HNF4G: variants seen among roughly 807,000 people sequenced by gnomAD.
HNF4G encodes hepatocyte nuclear factor 4 gamma, also known as hepatocyte nuclear factor 4-gamma.
Under a neutral mutation model 50.9 loss-of-function variants are expected in HNF4G, and 21 were observed. The observed-to-expected ratio is 0.41, with a 90% confidence interval of 0.29 to 0.59. The LOEUF (loss-of-function observed/expected upper bound fraction) is 0.59. Among genes scored for constraint, HNF4G ranks in the 20% least tolerant of loss-of-function variants. HNF4G has a pLI of 0.26. For synonymous variants in HNF4G, 198 were observed against 185.6 expected, an observed-to-expected ratio of 1.07 and a Z score of -0.54; for missense variants, 527 against 559.4, an observed-to-expected ratio of 0.94 and a Z score of 0.58.
chr8:75,549,772 A>C (rs986925331), intron 3 of HNF4G, among the ~76,000 whole-genome samples: 14 of 150,342 alleles, frequency 9.3e-5, no homozygotes, highest in African/African-American at 3.4e-4. Context: ...CCCCTACCCC[A>C]CAACAGTCCC....
chr8:75,549,848 G>C (rs1357847480), intron 3 of HNF4G, among the ~76,000 whole-genome samples: 2 of 151,838 alleles, frequency 1.3e-5, no homozygotes, highest in Admixed American at 1.3e-4. Flanking sequence ...CTATGAGTGA[G>C]AACATGTGAT....
At chr8:75,514,182 A>G (rs1805830009) in intron 2 of HNF4G, among the ~76,000 whole-genome samples, 1 of 151,904 alleles carries the variant, frequency 6.6e-6, no homozygotes, top group Non-Finnish European at 1.5e-5. Flanking sequence ...GTAGTATTTT[A>G]CCATTACATA....
chr8:75,497,513 G>A lies in HNF4G; in HGVS notation c.-24+7305G>A, dbSNP rs533189021. On this transcript the variant is annotated intron_variant, in intron 2 of 10. Coordinates refer to the HNF4G transcript ENST00000354370. ...AGTGTGGCCAACATGGTGAAACCCC[G>A]TCTCTACTAAAAATACAAAAATTAG... is the stretch of plus-strand genomic sequence containing the variant. Among the ~76,000 whole-genome samples, 11 of 152,046 alleles carry A rather than the reference G, an allele frequency of 7.2e-5. No homozygotes were observed. The East Asian group carries it at 7.8e-4, about 11-fold the overall frequency.
chr8:75,417,716 A>G (rs1810674928), intron 1 of HNF4G, among the ~76,000 whole-genome samples: 2 of 152,226 alleles, frequency 1.3e-5, no homozygotes, highest in African/African-American at 4.8e-5. Flanking sequence ...AGGTGAAAAT[A>G]ATTTAACTGA....
At chr8:75,407,872 G>T (rs570812962), upstream of HNF4G, 11 of 152,284 alleles carry the variant, frequency 7.2e-5, no homozygotes, top group Admixed American at 2.0e-4. Flanking sequence ...GCGGGACAGC[G>T]CGACGGGGTG....
At chr8:75,514,402 G>A (rs75505314) in intron 2 of HNF4G, among the ~76,000 whole-genome samples, 33,841 of 133,248 alleles carry the variant, frequency 0.25, 4,352 homozygotes, top group South Asian at 0.33. Context: ...GTCTAGGTTA[G>A]AGTGTAATGG....
At chr8:75,417,463 A>G (rs1286611167) in intron 1 of HNF4G, among the ~76,000 whole-genome samples, 1 of 152,254 alleles carries the variant, frequency 6.6e-6, no homozygotes, top group Non-Finnish European at 1.5e-5. Context: ...ATACCCAGTG[A>G]GACTAAATAA....
chr8:75,557,200 A>C (rs747117128), intron 6 of HNF4G, among the ~76,000 whole-genome samples: 1 of 152,270 alleles, frequency 6.6e-6, no homozygotes, highest in Non-Finnish European at 1.5e-5. Context: ...TACCCAGAAT[A>C]GTTAGGTAAG....
chr8:75,483,400 C>T (rs1350959262), intron 1 of HNF4G, among the ~76,000 whole-genome samples: 2 of 152,086 alleles, frequency 1.3e-5, no homozygotes, highest in African/African-American at 4.8e-5. Flanking sequence ...GGGCTATTAA[C>T]ATTAAGCAAG....
At chr8:75,430,474 T>TAGAGAGAGAG (rs66481707) in intron 1 of HNF4G, among the ~76,000 whole-genome samples, 23 of 136,114 alleles carry the variant, frequency 1.7e-4, no homozygotes, top group African/African-American at 6.1e-4. Context: ...GGGTAGGGAG[T>TAGAGAGAGAG]AGAGAGAGAG....
At chr8:75,466,904 G>A (rs547325563) in intron 1 of HNF4G, among the ~76,000 whole-genome samples, 26 of 152,006 alleles carry the variant, frequency 1.7e-4, no homozygotes, top group Admixed American at 8.5e-4. Flanking sequence ...TTCTGGTCTT[G>A]AACTCCTGGG....
At chr8:75,467,377 C>T (rs142420433) in intron 1 of HNF4G, among the ~76,000 whole-genome samples, 299 of 152,250 alleles carry the variant, frequency 2.0e-3, no homozygotes, top group Non-Finnish European at 3.2e-3. Flanking sequence ...TATTCGCAAA[C>T]AGGGCTGAGT....
At chr8:75,540,422 G>A (rs1324634585) in intron 1 of HNF4G, among the ~76,000 whole-genome samples, 2 of 152,156 alleles carry the variant, frequency 1.3e-5, no homozygotes, top group Non-Finnish European at 2.9e-5. Context: ...GGCTGTGAAA[G>A]TATATTTTCT....
rs1420048373 is a variant in HNF4G at position 75,558,909 on chromosome 8, T to C, written c.995T>C (p.Phe332Ser). The C allele has an allele frequency of 6.2e-7, 1 of 1,613,836 alleles. No homozygotes were observed. Among genetic ancestry groups the C allele is most frequent in the Non-Finnish European group, 8.5e-7 (1 of 1,179,896 alleles). Residue 332 changes from phenylalanine (F) to serine (S), a missense_variant, in exon 8 of 10, where the codon TTT (phenylalanine) becomes TCT (serine). Coordinates refer to ENST00000396423, the MANE Select transcript of HNF4G (RefSeq NM_004133.5). ...CGGCAGTATGACTCCCGGGGGAGGTTTGGAGAGTTGCTTCTGCTCCTGCCC... is the reference window on the plus strand; with the variant it reads ...CGGCAGTATGACTCCCGGGGGAGGTCTGGAGAGTTGCTTCTGCTCCTGCCC... ...NDRQYDSRGR[F>S]GELLLLLPTL...
intron 1 of HNF4G, among the ~76,000 whole-genome samples, chr8:75,441,070 T>C (rs377323397): frequency 6.6e-6 from 1 of 152,142 alleles, no homozygotes; most frequent in Non-Finnish European, 1.5e-5. Context: ...TGCTGGCTTA[T>C]ACACTTTTAG....
chr8:75,537,150 A>G (rs986597659), upstream of HNF4G, among the ~76,000 whole-genome samples: 2 of 152,176 alleles, frequency 1.3e-5, no homozygotes, highest in Admixed American at 1.3e-4. Context: ...CTAGTGTATG[A>G]CTGCCATTTG....
intron 2 of HNF4G, 84 bp from the exon 3 acceptor site, chr8:75,547,503 A>G: frequency 1.0e-6 from 1 of 959,974 alleles, no homozygotes; most frequent in Non-Finnish European, 1.7e-6. Flanking sequence ...ATTTGACAAT[A>G]CATATTTAAA....
At chr8:75,477,076 A>G (rs1356942646) in intron 1 of HNF4G, among the ~76,000 whole-genome samples, 3 of 152,252 alleles carry the variant, frequency 2.0e-5, no homozygotes, top group Non-Finnish European at 4.4e-5. Flanking sequence ...TCTCAGTTTT[A>G]TCAACATCTT....
chr8:75,457,966 G>GT (rs1811760989), intron 1 of HNF4G, among the ~76,000 whole-genome samples: 1 of 151,924 alleles, frequency 6.6e-6, no homozygotes, highest in Admixed American at 6.6e-5. Context: ...GAGTTATTCT[G>GT]TTTTTTATAT....
Sources: gnomAD v4.1 joint callset for allele counts (sites outside exome capture counted in the v4.1 genomes callset) on GRCh38, gnomAD v4.1.1 for gene constraint, MANE v1.5 for transcripts, NCBI Gene and HGNC (gene_info 2026-07-23, HGNC 2026-07-21) for gene names.